CTNNA2: variants seen among roughly 807,000 people sequenced by gnomAD.
CTNNA2 encodes the protein catenin alpha 2.
In CTNNA2, 42 loss-of-function variants were observed where a neutral mutation model predicts 101.0. That is an observed-to-expected ratio of 0.42 (90% confidence interval 0.32 to 0.54). CTNNA2 has a LOEUF of 0.54. CTNNA2 is among the 20% of genes least tolerant of loss of function. CTNNA2 has a pLI of 0.14. For missense variants in CTNNA2, 871 were observed against 1,223.1 expected, an observed-to-expected ratio of 0.71 and a Z score of 4.29; for synonymous variants, 450 against 456.4, an observed-to-expected ratio of 0.99 and a Z score of 0.18.
chr2:80,568,149 T>C (rs1257303746), intron 12 of CTNNA2, among the ~76,000 whole-genome samples: 1 of 152,216 alleles, frequency 6.6e-6, no homozygotes, highest in African/African-American at 2.4e-5. Flanking sequence ...GAAAGAATCC[T>C]GAGCTCAGGT....
chr2:79,313,137 T>C (rs1047813383), intron 3 of CTNNA2, among the ~76,000 whole-genome samples: 10 of 152,200 alleles, frequency 6.6e-5, no homozygotes, highest in Non-Finnish European at 1.5e-5. Flanking sequence ...TGTAATACTT[T>C]ATCCCTTGGC....
intron 7 of CTNNA2, among the ~76,000 whole-genome samples, chr2:80,193,330 A>G (rs1250560920): frequency 1.3e-5 from 2 of 152,192 alleles, no homozygotes; most frequent in Non-Finnish European, 2.9e-5. Context: ...AGTGAAAGGT[A>G]AAGTAGGTGT....
chr2:79,511,179 C>A (rs1464038227), upstream of CTNNA2, among the ~76,000 whole-genome samples: 1 of 152,174 alleles, frequency 6.6e-6, no homozygotes, highest in Non-Finnish European at 1.5e-5. Context: ...GATTCTTGGA[C>A]CATTCAAATT....
At chr2:79,425,884 G>A (rs1158174609) in intron 4 of CTNNA2, among the ~76,000 whole-genome samples, 7 of 152,014 alleles carry the variant, frequency 4.6e-5, no homozygotes, top group African/African-American at 1.7e-4. Flanking sequence ...TATGTTTATA[G>A]CTTCTAATCA....
At chr2:80,282,934 AT>A (rs1290912755) in intron 7 of CTNNA2, among the ~76,000 whole-genome samples, 1 of 152,124 alleles carries the variant, frequency 6.6e-6, no homozygotes, top group African/African-American at 2.4e-5. Context: ...ATTGGTCAAA[AT>A]CAGGCAAAAT....
rs568752547 is a variant in CTNNA2, at chr2:80,340,460, G to C, written c.1057-52751G>C. Among the ~76,000 whole-genome samples, 3 of 152,150 alleles carry C rather than the reference G, an allele frequency of 2.0e-5. No homozygotes were observed. In the East Asian group the frequency reaches 5.8e-4, roughly 29 times the overall value. ...GGTTCACTTTTCAAAAGGTTTTGAC[G>C]TTCATAATTTTCTTTAATCTTCATA... On this transcript the variant is annotated intron_variant, in intron 7 of 18. Transcript: ENST00000402739.
rs139796472 is a variant in CTNNA2 at position 79,207,072 on chromosome 2, T to C, written c.-406+8996T>C. ...TACATTGTTTAGACAAACTCTTTGA[T>C]GGAAAACAACTAAAAGTGCCAGATA... On this transcript the variant is annotated intron_variant, in intron 2 of 21. Transcript: ENST00000466387. 5.3e-5 allele frequency among the ~76,000 whole-genome samples: 8 copies of C among 152,318 alleles called. No individual in the cohort carries two copies. In the East Asian group the frequency reaches 9.6e-4, roughly 18 times the overall value.
At chr2:79,865,606 G>A (rs1290465512) in intron 4 of CTNNA2, among the ~76,000 whole-genome samples, 1 of 152,204 alleles carries the variant, frequency 6.6e-6, no homozygotes, top group Non-Finnish European at 1.5e-5. Flanking sequence ...AGTGCAGGCA[G>A]GGATGTATCA....
intron 2 of CTNNA2, among the ~76,000 whole-genome samples, chr2:79,659,704 G>T (rs1320869066): frequency 6.6e-6 from 1 of 152,124 alleles, no homozygotes; most frequent in Non-Finnish European, 1.5e-5. Flanking sequence ...TGTCTTTAAA[G>T]AAAGTTTTGG....
intron 7 of CTNNA2, among the ~76,000 whole-genome samples, chr2:80,212,763 C>A (rs1707984710): frequency 6.6e-6 from 1 of 152,110 alleles, no homozygotes; most frequent in African/African-American, 2.4e-5. Flanking sequence ...CCCTCTTTTT[C>A]TATTGATTGG....
intron 4 of CTNNA2, among the ~76,000 whole-genome samples, chr2:79,386,139 C>T (rs1573140790): frequency 6.6e-6 from 1 of 152,286 alleles, no homozygotes; most frequent in Admixed American, 6.5e-5. Flanking sequence ...CTAATTTACA[C>T]TCCCACTAAG....
At chr2:79,466,137 C>T (rs573383197) in intron 4 of CTNNA2, among the ~76,000 whole-genome samples, 1 of 152,214 alleles carries the variant, frequency 6.6e-6, no homozygotes, top group South Asian at 2.1e-4. Context: ...CTTTCCTAGC[C>T]AAGGGTAGCT....
chr2:79,241,968 C>T (rs886980712), intron 2 of CTNNA2, among the ~76,000 whole-genome samples: 25 of 151,716 alleles, frequency 1.6e-4, no homozygotes, highest in Non-Finnish European at 1.5e-5. Flanking sequence ...TGCAGTGGCG[C>T]GATCTCCGCT....
chr2:79,625,378 ATGTT>A (rs200506880), intron 1 of CTNNA2, among the ~76,000 whole-genome samples: 3,422 of 152,230 alleles, frequency 0.022, 126 homozygotes, highest in African/African-American at 0.076. Context: ...AAAAGTATAA[ATGTT>A]TGAGAGTGTA....
At chr2:80,142,061 T>C (rs1375846282) in intron 7 of CTNNA2, among the ~76,000 whole-genome samples, 3 of 152,112 alleles carry the variant, frequency 2.0e-5, no homozygotes, top group Non-Finnish European at 4.4e-5. Context: ...AGATGTAATA[T>C]TCTGCTGATC....
intron 3 of CTNNA2, among the ~76,000 whole-genome samples, chr2:79,349,355 C>G (rs1176720811): frequency 6.6e-6 from 1 of 152,200 alleles, no homozygotes; most frequent in Admixed American, 6.5e-5. Context: ...TTTCAGACAT[C>G]TGTGTTTACT....
chr2:79,885,066 T>G (rs1444070118), intron 6 of CTNNA2, among the ~76,000 whole-genome samples: 1 of 152,130 alleles, frequency 6.6e-6, no homozygotes, highest in African/African-American at 2.4e-5. Context: ...GCCGTAGTAG[T>G]TCACATGGCA....
intron 2 of CTNNA2, among the ~76,000 whole-genome samples, chr2:79,289,675 C>G (rs1675740037): frequency 1.3e-5 from 2 of 152,044 alleles, no homozygotes. Context: ...AACCCAGGAG[C>G]CAGAGATTGC....
At chr2:79,429,520 A>C (rs2104508951) in intron 4 of CTNNA2, among the ~76,000 whole-genome samples, 1 of 152,314 alleles carries the variant, frequency 6.6e-6, no homozygotes, top group South Asian at 2.1e-4. Flanking sequence ...TAATTTAACT[A>C]GACTTCCTTA....
Sources: gnomAD v4.1 joint callset for allele counts (sites outside exome capture counted in the v4.1 genomes callset) on GRCh38, gnomAD v4.1.1 for gene constraint, MANE v1.5 for transcripts, NCBI Gene and HGNC (gene_info 2026-07-23, HGNC 2026-07-21) for gene names.